LHFPL3: variants seen among roughly 807,000 people sequenced by gnomAD.
The protein encoded by LHFPL3 is LHFPL tetraspan subfamily member 3.
In LHFPL3, 5 loss-of-function variants were observed where a neutral mutation model predicts 19.3. That is an observed-to-expected ratio of 0.26 (90% CI 0.14 to 0.54). LHFPL3 has a LOEUF of 0.54. Ranked by LOEUF, LHFPL3 falls within the 20% of genes least tolerant of loss-of-function variation. The pLI is 0.94. For synonymous variants in LHFPL3, 133 were observed against 126.2 expected (o/e 1.05, Z -0.36); for missense variants, 249 against 307.4 (o/e 0.81, Z 1.42).
At chr7:104,387,700 A>G (rs1280534495) in intron 1 of LHFPL3, among the ~76,000 whole-genome samples, 2 of 152,218 alleles carry the variant, frequency 1.3e-5, no homozygotes, top group Non-Finnish European at 2.9e-5. Flanking sequence ...ACATCTATCT[A>G]GACAGCCAAG....
intron 2 of LHFPL3, among the ~76,000 whole-genome samples, chr7:104,843,281 G>A (rs1260649248): frequency 6.6e-6 from 1 of 152,224 alleles, no homozygotes; most frequent in African/African-American, 2.4e-5. Flanking sequence ...CAAAGCAGAG[G>A]TCTTCTCAGA....
intron 1 of LHFPL3, among the ~76,000 whole-genome samples, chr7:104,467,930 TG>T (rs1481300157): frequency 5.9e-5 from 9 of 152,200 alleles, no homozygotes; most frequent in Admixed American, 5.9e-4. Flanking sequence ...TACTGTTCAT[TG>T]TTTTGCCTTC....
At chr7:104,570,606 G>A (rs1019261767) in intron 1 of LHFPL3, among the ~76,000 whole-genome samples, 10 of 152,088 alleles carry the variant, frequency 6.6e-5, no homozygotes, top group African/African-American at 1.4e-4. Context: ...AGTACCTGTC[G>A]CTGTTTGTCT....
chr7:104,422,734 A>G (rs1008496478), intron 1 of LHFPL3, among the ~76,000 whole-genome samples: 2 of 152,234 alleles, frequency 1.3e-5, no homozygotes, highest in Non-Finnish European at 2.9e-5. Flanking sequence ...AAGATAAAAT[A>G]TGATAGTGTA....
chr7:104,375,791 G>A (rs116233463), intron 1 of LHFPL3, among the ~76,000 whole-genome samples: 2 of 152,264 alleles, frequency 1.3e-5, no homozygotes, highest in South Asian at 2.1e-4. Context: ...ATCTGCCTGG[G>A]CTACTATTTC....
intron 1 of LHFPL3, among the ~76,000 whole-genome samples, chr7:104,457,847 G>A (rs1383534706): frequency 7.0e-6 from 1 of 143,696 alleles, no homozygotes; most frequent in Admixed American, 6.8e-5. Flanking sequence ...GTTTTGATTT[G>A]CATTTCTCTG....
chr7:104,585,939 T>G (rs187683636), intron 1 of LHFPL3, among the ~76,000 whole-genome samples: 1 of 152,104 alleles, frequency 6.6e-6, no homozygotes, highest in Non-Finnish European at 1.5e-5. Flanking sequence ...CAGCTACCAG[T>G]GGCTTGCTGA....
intron 1 of LHFPL3, among the ~76,000 whole-genome samples, chr7:104,566,860 C>G (rs1169230595): frequency 2.0e-5 from 3 of 152,186 alleles, no homozygotes; most frequent in African/African-American, 7.2e-5. Flanking sequence ...CATTTCAAAT[C>G]TAGGTTCATG....
chr7:104,648,496 G>T (rs1381039000), intron 1 of LHFPL3, among the ~76,000 whole-genome samples: 2 of 152,102 alleles, frequency 1.3e-5, no homozygotes, highest in African/African-American at 2.4e-5. Context: ...AGAAACTGTG[G>T]TATTATTTCC....
At chr7:104,391,317 G>C (rs1791063318) in intron 1 of LHFPL3, among the ~76,000 whole-genome samples, 1 of 152,092 alleles carries the variant, frequency 6.6e-6, no homozygotes. Flanking sequence ...TATGGTTTTA[G>C]GTCTAACGTT....
intron 1 of LHFPL3, among the ~76,000 whole-genome samples, chr7:104,598,300 G>A (rs1424733982): frequency 6.6e-6 from 1 of 152,098 alleles, no homozygotes; most frequent in Non-Finnish European, 1.5e-5. Flanking sequence ...TCCACTCAAG[G>A]GGCACCAAAA....
At chr7:104,824,000 G>T (rs11764834) in intron 2 of LHFPL3, among the ~76,000 whole-genome samples, 48,597 of 145,560 alleles carry the variant, frequency 0.33, 8,786 homozygotes, top group South Asian at 0.43. Flanking sequence ...ACAAAAAATA[G>T]CCGGGCATGG....
At chr7:104,493,503 A>G (rs1405470046) in intron 1 of LHFPL3, among the ~76,000 whole-genome samples, 3 of 151,844 alleles carry the variant, frequency 2.0e-5, no homozygotes, top group Non-Finnish European at 4.4e-5. Context: ...TTTCAGCTAG[A>G]TGGCCTCCAG....
chr7:104,707,375 C>G (rs553179265), intron 1 of LHFPL3, among the ~76,000 whole-genome samples: 120 of 152,324 alleles, frequency 7.9e-4, no homozygotes, highest in Non-Finnish European at 1.6e-3. Context: ...TGGATACTTA[C>G]TGGTCAAGTT....
chr7:104,386,956 C>T (rs1480309067), intron 1 of LHFPL3, among the ~76,000 whole-genome samples: 1 of 152,072 alleles, frequency 6.6e-6, no homozygotes, highest in African/African-American at 2.4e-5. Flanking sequence ...CAAAAAATTA[C>T]AAGACACACA....
chr7:104,388,394 CCTCAATAAGA>C (rs1021510677), intron 1 of LHFPL3, among the ~76,000 whole-genome samples: 5 of 152,058 alleles, frequency 3.3e-5, no homozygotes, highest in Non-Finnish European at 4.4e-5. Flanking sequence ...TAAAAGGGAT[CCTCAATAAGA>C]CATACAGCTG....
chr7:104,491,025 G>C (rs1251991595), intron 1 of LHFPL3, among the ~76,000 whole-genome samples: 2 of 152,118 alleles, frequency 1.3e-5, no homozygotes, highest in African/African-American at 4.8e-5. Flanking sequence ...TTGGAATCTA[G>C]ATCTCAAGGG....
At chr7:104,787,550 T>G (rs771909407) in intron 2 of LHFPL3, among the ~76,000 whole-genome samples, 2 of 152,172 alleles carry the variant, frequency 1.3e-5, no homozygotes, top group Non-Finnish European at 2.9e-5. Context: ...ACCAGAGAGA[T>G]AACGAAAATC....
At chr7:104,563,819 T>C (rs369077912) in intron 1 of LHFPL3, among the ~76,000 whole-genome samples, 1 of 152,296 alleles carries the variant, frequency 6.6e-6, no homozygotes, top group East Asian at 1.9e-4. Context: ...ATTTCTGTGT[T>C]TATAAGTCAC....
Sources: gnomAD v4.1 joint callset for allele counts (sites outside exome capture counted in the v4.1 genomes callset) on GRCh38, gnomAD v4.1.1 for gene constraint, MANE v1.5 for transcripts, NCBI Gene and HGNC (gene_info 2026-07-23, HGNC 2026-07-21) for gene names.